KIAA0319L: variants seen among roughly 807,000 people sequenced by gnomAD.
KIAA0319L encodes dyslexia-associated protein KIAA0319-like protein.
Under a neutral mutation model 120.1 loss-of-function variants are expected in KIAA0319L, and 55 were observed. The ratio of observed to expected loss-of-function variants is 0.46; its 90% CI spans 0.37 to 0.57. The LOEUF is 0.57. KIAA0319L is among the 20% of genes least tolerant of loss of function. The pLI is 0.00. For synonymous variants in KIAA0319L, 398 were observed against 471.9 expected (o/e 0.84, Z 2.03); for missense variants, 1,049 against 1,255.3 (o/e 0.84, Z 2.48).
chr1:35,521,819 A>G (rs1442714770), intron 2 of KIAA0319L, among the ~76,000 whole-genome samples: 1 of 151,274 alleles, frequency 6.6e-6, no homozygotes, highest in Non-Finnish European at 1.5e-5. Context: ...AAAAAATACA[A>G]AAAATTAGCC....
intron 2 of KIAA0319L, among the ~76,000 whole-genome samples, chr1:35,518,695 C>T (rs1268868315): frequency 6.6e-6 from 1 of 151,964 alleles, no homozygotes; most frequent in African/African-American, 2.4e-5. Flanking sequence ...GATGTGCCCC[C>T]GAACCTAAAA....
intron 2 of KIAA0319L, among the ~76,000 whole-genome samples, chr1:35,547,136 A>C (rs1049333001): frequency 6.8e-6 from 1 of 145,998 alleles, no homozygotes; most frequent in Non-Finnish European, 1.5e-5. Context: ...TCCACTATTT[A>C]TATATGTAAT....
rs536773908 is a variant in KIAA0319L, at chr1:35,497,223, C to T, written c.666+9389G>A. Reference sequence around the variant, plus strand: ...GTGATAGAAATGTTATCAAACTGTACGGCAGGAAAAAGACAAAAAAAAAAA... The same window carrying T: ...GTGATAGAAATGTTATCAAACTGTATGGCAGGAAAAAGACAAAAAAAAAAA... On this transcript the variant is annotated intron_variant, in intron 3 of 20. Transcript: ENST00000325722. Among the ~76,000 whole-genome samples, 186 of 145,930 alleles carry T rather than the reference C, an allele frequency of 1.3e-3. 1 individual carries two copies. The highest frequency in any genetic ancestry group is 4.2e-3 in the African/African-American group (163 of 38,818).
intron 2 of KIAA0319L, among the ~76,000 whole-genome samples, chr1:35,528,594 G>C (rs1646243560): frequency 6.6e-6 from 1 of 152,092 alleles, no homozygotes; most frequent in South Asian, 2.1e-4. Flanking sequence ...TTTTGCAGTT[G>C]GTAGATGAAA....
At chr1:35,475,586 C>T (rs955921371) in intron 4 of KIAA0319L, among the ~76,000 whole-genome samples, 1 of 152,010 alleles carries the variant, frequency 6.6e-6, no homozygotes, top group East Asian at 1.9e-4. Context: ...AGCGATCTTC[C>T]CACCTCAACC....
chr1:35,446,180 A>T (rs1475285940), intron 16 of KIAA0319L, among the ~76,000 whole-genome samples: 1 of 151,944 alleles, frequency 6.6e-6, no homozygotes, highest in Non-Finnish European at 1.5e-5. Context: ...TGTTCAGACA[A>T]CCTCCGCAAG....
chr1:35,463,245 C>T (rs370188159), intron 7 of KIAA0319L, among the ~76,000 whole-genome samples: 26 of 152,204 alleles, frequency 1.7e-4, no homozygotes, highest in Admixed American at 1.3e-3. Flanking sequence ...TAAGACACTT[C>T]GGAGTATAAA....
At chr1:35,458,004 C>T (rs923788125) in intron 9 of KIAA0319L, among the ~76,000 whole-genome samples, 1 of 152,092 alleles carries the variant, frequency 6.6e-6, no homozygotes, top group African/African-American at 2.4e-5. Context: ...GGTGCGATCT[C>T]GGCTCACTGC....
intron 2 of KIAA0319L, among the ~76,000 whole-genome samples, chr1:35,540,112 G>A (rs986431738): frequency 5.9e-5 from 9 of 152,206 alleles, no homozygotes; most frequent in African/African-American, 2.2e-4. Context: ...TTAAAAAGGG[G>A]AACTGAAGTG....
rs1327169063 is a variant in KIAA0319L at position 35,450,024 on chromosome 1, T to A, written c.2215-19A>T. 4 of 1,613,770 alleles carry A rather than the reference T, an allele frequency of 2.5e-6. No homozygotes were observed. The highest frequency in any genetic ancestry group is 3.4e-6 in the Non-Finnish European group (4 of 1,179,774). On this transcript the variant is annotated intron_variant, in intron 14 of 20. Transcript: ENST00000325722. ...ACACCTCCTGTAGGGTTGAACAACATGGCTATGTTACAGAACAAAATGCCA... is the reference window on the plus strand; with the variant it reads ...ACACCTCCTGTAGGGTTGAACAACAAGGCTATGTTACAGAACAAAATGCCA...
At chr1:35,474,970 CTTTT>C (rs1643854985) in intron 4 of KIAA0319L, 64 bp from the exon 5 acceptor site, 1 of 935,964 alleles carries the variant, frequency 1.1e-6, no homozygotes, top group Non-Finnish European at 1.7e-6. Flanking sequence ...TTCTCTCTTT[CTTTT>C]GTGATCAAAC....
chr1:35,556,760 GT>G (rs1452998689), intron 1 of KIAA0319L: 8 of 152,130 alleles, frequency 5.3e-5, no homozygotes, highest in Non-Finnish European at 1.2e-4. Context: ...AGGACCCTCT[GT>G]GGGGCATAAT....
At chr1:35,503,763 G>T (rs546998794) in intron 3 of KIAA0319L, among the ~76,000 whole-genome samples, 27 of 152,128 alleles carry the variant, frequency 1.8e-4, no homozygotes, top group African/African-American at 6.5e-4. Context: ...TGCCTCTGCC[G>T]CCTGAGACAG....
intron 3 of KIAA0319L, among the ~76,000 whole-genome samples, chr1:35,486,314 G>C (rs1216505267): frequency 2.8e-5 from 4 of 142,556 alleles, no homozygotes; most frequent in Non-Finnish European, 6.0e-5. Context: ...TGCCAGGGAA[G>C]TCAAGGCTGC....
At chr1:35,468,477 C>G (rs1229842484) in intron 6 of KIAA0319L, among the ~76,000 whole-genome samples, 1 of 152,116 alleles carries the variant, frequency 6.6e-6, no homozygotes, top group African/African-American at 2.4e-5. Context: ...ACCTCCAGTC[C>G]CTTTCCCCCA....
rs1451662670 is a variant in KIAA0319L, at chr1:35,451,777, C to T, written c.1914-1G>A. On this transcript the variant is annotated splice_acceptor_variant, in intron 12 of 20. Transcript: ENST00000325722. LOFTEE classifies it high-confidence loss of function. ...CTCGAGCTGCACCCCATCAGGTCCCCTGCAAAAAAAGAAACTAGAGGGTAG... is the reference window on the plus strand; with the variant it reads ...CTCGAGCTGCACCCCATCAGGTCCCTTGCAAAAAAAGAAACTAGAGGGTAG... 6.2e-7 allele frequency: 1 copy of T among 1,611,570 alleles called. No individual in the cohort carries two copies. The highest frequency in any genetic ancestry group is 1.3e-5 in the African/African-American group (1 of 74,590).
chr1:35,515,338 T>G (rs1645638436), intron 2 of KIAA0319L, among the ~76,000 whole-genome samples: 1 of 146,698 alleles, frequency 6.8e-6, no homozygotes, highest in African/African-American at 2.5e-5. Flanking sequence ...AGAACCAAAA[T>G]TGTACCAAAC....
At chr1:35,442,164 C>T (rs1036856425) in intron 19 of KIAA0319L, 82 bp downstream of exon 19, 25 of 1,039,038 alleles carry the variant, frequency 2.4e-5, no homozygotes, top group Non-Finnish European at 3.0e-5. Flanking sequence ...AGTCCTTCCA[C>T]GTGGAAGGTG....
At chr1:35,529,004 G>A (rs761255650) in intron 2 of KIAA0319L, among the ~76,000 whole-genome samples, 2 of 152,068 alleles carry the variant, frequency 1.3e-5, no homozygotes, top group Non-Finnish European at 2.9e-5. Flanking sequence ...TACAAGTAAA[G>A]TGAGTTTCTT....
Sources: allele counts gnomAD v4.1 joint callset (sites outside exome capture counted in the v4.1 genomes callset), GRCh38; gene constraint gnomAD v4.1.1; transcripts MANE v1.5; gene names NCBI Gene and HGNC (gene_info 2026-07-23, HGNC 2026-07-21).